Variants in DSCAM observed in about 807,000 individuals in gnomAD.
The protein encoded by DSCAM is DS cell adhesion molecule.
In DSCAM, 47 loss-of-function variants were observed where a neutral mutation model predicts 217.7. That is an observed-to-expected ratio of 0.22 (90% CI 0.17 to 0.28). DSCAM has a LOEUF of 0.28. Ranked by LOEUF, DSCAM falls within the 10% of genes least tolerant of loss-of-function variation. The probability of loss-of-function intolerance (pLI) is 1.00; values close to 1 mark genes in which losing one functional copy is unlikely to be tolerated. For missense variants in DSCAM, 2,080 were observed against 2,618.3 expected (o/e 0.79, Z 4.49); for synonymous variants, 1,056 against 1,015.3 (o/e 1.04, Z -0.76).
In DSCAM at chr21:40,179,424, G is replaced by T. The variant is rs548211033; in HGVS notation, c.2780-330C>A. 3.9e-5 allele frequency among the ~76,000 whole-genome samples: 6 copies of T among 152,130 alleles called. 1 individual carries two copies. In the South Asian group the frequency reaches 1.2e-3, roughly 32 times the overall value. On this transcript the variant is annotated intron_variant, in intron 14 of 32. Transcript: ENST00000400454. ...GAGATCTCAGAAGGCAAATTCCAGT[G>T]GTGGAAGCTCAGGTTAGTGGAATGG... is the stretch of plus-strand genomic sequence containing the variant.
At chr21:40,403,109 C>T (rs1216072807) in intron 3 of DSCAM, among the ~76,000 whole-genome samples, 1 of 152,184 alleles carries the variant, frequency 6.6e-6, no homozygotes, top group African/African-American at 2.4e-5. Context: ...CCAAAGCTGA[C>T]ATCATGTGTG....
chr21:40,768,144 T>C (rs2837813), intron 1 of DSCAM, among the ~76,000 whole-genome samples: 68,825 of 152,102 alleles, frequency 0.45, 16,550 homozygotes, highest in African/African-American at 0.61. Flanking sequence ...TATAACTTCA[T>C]TAAAGAAAAC....
intron 3 of DSCAM, among the ~76,000 whole-genome samples, chr21:40,370,201 C>T (rs990212973): frequency 2.0e-5 from 3 of 151,222 alleles, no homozygotes; most frequent in Non-Finnish European, 4.4e-5. Context: ...AAATGATCAT[C>T]GTAAGTGGAT....
chr21:40,347,410 C>T (rs984694033), intron 6 of DSCAM, among the ~76,000 whole-genome samples: 4 of 152,158 alleles, frequency 2.6e-5, no homozygotes, highest in African/African-American at 9.7e-5. Flanking sequence ...GATTTAAACC[C>T]TGGCAGATAA....
chr21:40,637,657 A>ATAAATATATATC, intron 3 of DSCAM, among the ~76,000 whole-genome samples: 1 of 124,526 alleles, frequency 8.0e-6, no homozygotes, highest in East Asian at 2.1e-4. Context: ...ATATCTATAT[A>ATAAATATATATC]TATATATATA....
intron 3 of DSCAM, chr21:40,618,725 A>G (rs2089439616): frequency 6.6e-6 from 1 of 151,420 alleles, no homozygotes; most frequent in African/African-American, 2.4e-5. Flanking sequence ...GAGCTAGCGC[A>G]GAGACAATGA....
Position 40,339,120 on chromosome 21 carries a change from T to C in DSCAM, c.1506A>G (p.Arg502=). Residue 502 remains arginine, a splice_region_variant and synonymous_variant, in exon 7 of 33, where the codon AGA becomes AGG. Transcript: ENST00000400454. ...TTGAGGAGCTGATTTGACAAGCACC[T>C]CTTACGTTTATTCGAGCCTGGTACA... ...VVLYQARINV[R]GPASIRPMKN... 1 of 1,614,084 alleles carries C rather than the reference T, an allele frequency of 6.2e-7. No individual in the cohort carries two copies.
chr21:40,732,487 G>C (rs1358784535), intron 1 of DSCAM, among the ~76,000 whole-genome samples: 1 of 152,194 alleles, frequency 6.6e-6, no homozygotes, highest in Non-Finnish European at 1.5e-5. Flanking sequence ...CTCTGCCTTA[G>C]AGGAGATACA....
intron 3 of DSCAM, among the ~76,000 whole-genome samples, chr21:40,526,113 C>T (rs551361045): frequency 1.3e-5 from 2 of 152,290 alleles, no homozygotes; most frequent in East Asian, 3.9e-4. Flanking sequence ...GTTCCTTACA[C>T]TCAAATTCTT....
At chr21:40,251,236 T>TCA (rs1330800003) in intron 11 of DSCAM, among the ~76,000 whole-genome samples, 1 of 152,120 alleles carries the variant, frequency 6.6e-6, no homozygotes, top group Non-Finnish European at 1.5e-5. Flanking sequence ...AGCAGAAGAA[T>TCA]ACTGAGTAAC....
chr21:40,654,082 G>A (rs1022458523), intron 3 of DSCAM, among the ~76,000 whole-genome samples: 2 of 144,938 alleles, frequency 1.4e-5, no homozygotes, highest in African/African-American at 5.3e-5. Flanking sequence ...GTGACAGATT[G>A]AGATTCCATC....
chr21:40,107,310 G>C (rs1009078068), intron 20 of DSCAM, among the ~76,000 whole-genome samples: 4 of 152,084 alleles, frequency 2.6e-5, no homozygotes, highest in African/African-American at 9.7e-5. Flanking sequence ...TATTGATTTT[G>C]AATATGATTG....
At chr21:40,616,746 G>A (rs558133407) in intron 3 of DSCAM, among the ~76,000 whole-genome samples, 34 of 152,246 alleles carry the variant, frequency 2.2e-4, no homozygotes, top group Admixed American at 3.3e-4. Context: ...GGCCGGGCGC[G>A]GTGGCTCACG....
At chr21:40,073,299 T>C (rs2089322064) in intron 27 of DSCAM, among the ~76,000 whole-genome samples, 1 of 152,250 alleles carries the variant, frequency 6.6e-6, no homozygotes. Flanking sequence ...TTAACTCTTG[T>C]GATTAAATCA....
chr21:40,449,002 A>AATT (rs982709393), intron 3 of DSCAM, among the ~76,000 whole-genome samples: 1 of 152,106 alleles, frequency 6.6e-6, no homozygotes, highest in Non-Finnish European at 1.5e-5. Flanking sequence ...CTGAAGAGAA[A>AATT]ATTATTATTA....
At chr21:40,370,823 T>C (rs1285533533) in intron 3 of DSCAM, among the ~76,000 whole-genome samples, 1 of 152,088 alleles carries the variant, frequency 6.6e-6, no homozygotes, top group East Asian at 1.9e-4. Context: ...GATCTCACCA[T>C]GTTGCCCAGG....
chr21:40,773,792 C>A (rs1453208238), intron 1 of DSCAM, among the ~76,000 whole-genome samples: 1 of 152,146 alleles, frequency 6.6e-6, no homozygotes, highest in Non-Finnish European at 1.5e-5. Context: ...GGCTGCCTGC[C>A]CTTTAAACAA....
At chr21:40,405,206 G>A (rs933828014) in intron 3 of DSCAM, among the ~76,000 whole-genome samples, 8 of 152,170 alleles carry the variant, frequency 5.3e-5, no homozygotes, top group Admixed American at 1.3e-4. Context: ...ACTGAGCAGA[G>A]GTAGACCCTG....
At chr21:40,094,358 A>G (rs1285116699) in intron 20 of DSCAM, among the ~76,000 whole-genome samples, 1 of 152,100 alleles carries the variant, frequency 6.6e-6, no homozygotes, top group African/African-American at 2.4e-5. Flanking sequence ...AGAGAGCTCC[A>G]CCTCCTCAAC....
Sources: allele counts gnomAD v4.1 joint callset (sites outside exome capture counted in the v4.1 genomes callset), GRCh38; gene constraint gnomAD v4.1.1; transcripts MANE v1.5; gene names NCBI Gene and HGNC (gene_info 2026-07-23, HGNC 2026-07-21).